SGCZ: variants seen among roughly 807,000 people sequenced by gnomAD.
SGCZ encodes the protein sarcoglycan zeta.
In SGCZ, 40 loss-of-function variants were observed where a neutral mutation model predicts 41.3. That is an observed-to-expected ratio of 0.97 (90% confidence interval 0.75 to 1.26). The LOEUF is 1.26. Ranked by LOEUF, SGCZ falls within the 50% of genes most tolerant of loss-of-function variation. The probability of loss-of-function intolerance (pLI) is 0.00; values close to 1 mark genes in which losing one functional copy is unlikely to be tolerated. For missense variants in SGCZ, 552 were observed against 369.8 expected, an observed-to-expected ratio of 1.49 and a Z score of -4.04; for synonymous variants, 206 against 137.5, an observed-to-expected ratio of 1.50 and a Z score of -3.49.
At chr8:15,145,119 A>C (rs1585610023) in intron 1 of SGCZ, among the ~76,000 whole-genome samples, 2 of 152,166 alleles carry the variant, frequency 1.3e-5, no homozygotes, top group East Asian at 3.9e-4. Flanking sequence ...ATTATTCCCC[A>C]AGCCCTGCCG....
intron 5 of SGCZ, among the ~76,000 whole-genome samples, chr8:14,126,004 A>G (rs1393027038): frequency 1.3e-5 from 2 of 152,242 alleles, no homozygotes; most frequent in African/African-American, 4.8e-5. Flanking sequence ...ACATAAATGT[A>G]AAACCCAAAA....
At chr8:15,127,516 AT>A (rs1220651738) in intron 1 of SGCZ, among the ~76,000 whole-genome samples, 1 of 152,206 alleles carries the variant, frequency 6.6e-6, no homozygotes, top group Non-Finnish European at 1.5e-5. Context: ...GGTTGGGAAA[AT>A]AATATGTTTT....
chr8:14,682,691 C>T (rs1005416187), intron 1 of SGCZ, among the ~76,000 whole-genome samples: 2 of 152,134 alleles, frequency 1.3e-5, no homozygotes, highest in Admixed American at 6.5e-5. Context: ...GCCTCGGCCT[C>T]CCAAAGTGCT....
At chr8:14,313,035 G>T (rs1344542921) in intron 3 of SGCZ, among the ~76,000 whole-genome samples, 2 of 152,072 alleles carry the variant, frequency 1.3e-5, no homozygotes, top group African/African-American at 4.8e-5. Context: ...GACAGACCTG[G>T]ACTTGCATTC....
At chr8:14,957,140 T>A (rs1800818925) in intron 1 of SGCZ, among the ~76,000 whole-genome samples, 1 of 152,204 alleles carries the variant, frequency 6.6e-6, no homozygotes, top group Non-Finnish European at 1.5e-5. Context: ...ATTATTATCA[T>A]TAAATAAATT....
intron 2 of SGCZ, among the ~76,000 whole-genome samples, chr8:14,376,449 C>G (rs994327385): frequency 1.2e-4 from 19 of 152,150 alleles, no homozygotes; most frequent in African/African-American, 4.1e-4. Context: ...GACATTTAAC[C>G]TTTATCCTTA....
At chr8:14,373,271 C>T (rs1040707907) in intron 2 of SGCZ, among the ~76,000 whole-genome samples, 2 of 152,150 alleles carry the variant, frequency 1.3e-5, no homozygotes, top group Non-Finnish European at 2.9e-5. Context: ...AAAAGATTTA[C>T]TGGAACATCG....
intron 2 of SGCZ, among the ~76,000 whole-genome samples, chr8:14,370,195 A>T (rs1803861872): frequency 2.6e-5 from 4 of 151,992 alleles, no homozygotes. Context: ...AAATTGGTAT[A>T]GCAATACAAA....
intron 1 of SGCZ, among the ~76,000 whole-genome samples, chr8:15,059,149 G>GA (rs765341018): frequency 1.2e-4 from 18 of 152,002 alleles, no homozygotes; most frequent in Admixed American, 5.9e-4. Context: ...ATTTTTCCAT[G>GA]AAAAAATATC....
intron 1 of SGCZ, among the ~76,000 whole-genome samples, chr8:15,032,023 G>A (rs1767197482): frequency 6.6e-6 from 1 of 151,576 alleles, no homozygotes; most frequent in Admixed American, 6.6e-5. Flanking sequence ...TATGGTTTAG[G>A]AGTTTCACAT....
chr8:14,311,738 T>C (rs1801552663), intron 3 of SGCZ, among the ~76,000 whole-genome samples: 1 of 152,188 alleles, frequency 6.6e-6, no homozygotes, highest in African/African-American at 2.4e-5. Flanking sequence ...TAATTTGTAT[T>C]CTTTGAATAT....
chr8:15,097,860 GTGTGTGTATA>G (rs1237704521), intron 1 of SGCZ, among the ~76,000 whole-genome samples: 4 of 2,576 alleles, frequency 1.6e-3, no homozygotes, highest in African/African-American at 3.4e-3. Context: ...ATATATACGT[GTGTGTGTATA>G]TATATATATA....
chr8:14,916,125 C>T (rs973678719), intron 1 of SGCZ, among the ~76,000 whole-genome samples: 1 of 152,060 alleles, frequency 6.6e-6, no homozygotes, highest in African/African-American at 2.4e-5. Context: ...AATCCTTTTG[C>T]GTAGCAGATA....
intron 1 of SGCZ, among the ~76,000 whole-genome samples, chr8:14,924,378 C>A (rs1437105458): frequency 6.6e-6 from 1 of 152,172 alleles, no homozygotes; most frequent in African/African-American, 2.4e-5. Context: ...TGTTTTCCTA[C>A]ATGACACTAG....
intron 2 of SGCZ, among the ~76,000 whole-genome samples, chr8:14,433,800 G>A (rs993130485): frequency 6.6e-6 from 1 of 152,152 alleles, no homozygotes; most frequent in East Asian, 1.9e-4. Context: ...AGAATTGTCT[G>A]AATAAACTGA....
At chr8:14,877,906 T>C (rs1804423946) in intron 1 of SGCZ, among the ~76,000 whole-genome samples, 1 of 152,144 alleles carries the variant, frequency 6.6e-6, no homozygotes. Context: ...GTTTTTTTTT[T>C]CCAATGTAAA....
At chr8:15,070,522 A>G (rs1241603024) in intron 1 of SGCZ, among the ~76,000 whole-genome samples, 1 of 152,168 alleles carries the variant, frequency 6.6e-6, no homozygotes, top group East Asian at 1.9e-4. Flanking sequence ...CCCTCTAACA[A>G]TGAATATCTT....
intron 1 of SGCZ, among the ~76,000 whole-genome samples, chr8:15,040,756 TG>T (rs2130976766): frequency 6.6e-6 from 1 of 152,336 alleles, no homozygotes; most frequent in East Asian, 1.9e-4. Flanking sequence ...TATCCAATAC[TG>T]GAAAAAGTCA....
At chr8:14,296,105 T>A (rs1172286832) in intron 3 of SGCZ, among the ~76,000 whole-genome samples, 1 of 152,122 alleles carries the variant, frequency 6.6e-6, no homozygotes, top group East Asian at 1.9e-4. Context: ...AGTCTAAGGC[T>A]ACACTAGTTG....
Sources: allele counts gnomAD v4.1 joint callset (sites outside exome capture counted in the v4.1 genomes callset), GRCh38; gene constraint gnomAD v4.1.1; transcripts MANE v1.5; gene names NCBI Gene and HGNC (gene_info 2026-07-23, HGNC 2026-07-21).